MEX3C: variants seen among roughly 807,000 people sequenced by gnomAD.
The protein encoded by MEX3C is RNA-binding E3 ubiquitin-protein ligase MEX3C.
In MEX3C, 15 loss-of-function variants were observed where a neutral mutation model predicts 35.5. The ratio of observed to expected loss-of-function variants is 0.42; its 90% CI spans 0.28 to 0.65. MEX3C has a LOEUF of 0.65. Among genes scored for constraint, MEX3C ranks in the 30% least tolerant of loss-of-function variants. MEX3C has a pLI of 0.20. For missense variants in MEX3C, 711 were observed against 842.8 expected, an observed-to-expected ratio of 0.84 and a Z score of 1.94; for synonymous variants, 390 against 352.8, an observed-to-expected ratio of 1.11 and a Z score of -1.18.
intron 1 of MEX3C, among the ~76,000 whole-genome samples, chr18:51,192,263 A>G (rs1369961767): frequency 6.6e-6 from 1 of 152,148 alleles, no homozygotes; most frequent in Non-Finnish European, 1.5e-5. Context: ...AGAATAGTTC[A>G]TTAGCTGAAT....
At position 51,196,521 on chromosome 18, in the gene MEX3C, A is replaced by G. The variant is rs1367906698; in HGVS notation, c.754+46T>C. On this transcript the variant is annotated intron_variant, in intron 1 of 1. Transcript: ENST00000406189. ...GCTCCTTTCTCTCGTCTCCCCACCC[A>G]CGCCCGGGGCCATGCCCAGCTGGAC... is the stretch of plus-strand genomic sequence containing the variant. The G allele has an allele frequency of 2.0e-6, 3 of 1,522,964 alleles. No homozygotes were observed. In the African/African-American group the frequency reaches 4.2e-5, roughly 22 times the overall value. The allele number at this position is 1,522,964 out of a possible 1,614,324, so 94.3% of individuals were successfully genotyped here. A position where few individuals can be genotyped will look rare whatever the true frequency, so the allele number is the denominator to read the frequency against.
At position 51,196,972 on chromosome 18, in the gene MEX3C, C is replaced by T. The variant is rs1350905820; in HGVS notation, c.349G>A (p.Glu117Lys). The T allele has an allele frequency of 6.5e-7, 1 of 1,540,236 alleles. No homozygotes were observed. The highest frequency in any genetic ancestry group is 8.7e-7 in the Non-Finnish European group (1 of 1,144,824). The change falls in exon 1 of 2, where the codon GAA (glutamate) becomes AAA (lysine). Residue 117 changes from glutamate (E) to lysine (K), a missense_variant. This residue lies in a region of MEX3C where 354 missense variants were observed against 311.6 expected (regional missense o/e 1.14). Transcript: ENST00000406189. The stretch of plus-strand genomic sequence containing the variant: ...AGCAGGTCTCCGTCCAGCTCCGCTT[C>T]CTCCCCCTCCTCCTCGTCCTCTTCC... Reference protein sequence around the residue: ...ELEEDEEEGEEAELDGDLLEE... With the variant: ...ELEEDEEEGEKAELDGDLLEE...
rs1431074989 is a variant in MEX3C, at chr18:51,177,957, A to C, written c.755-381T>G. 6.6e-6 allele frequency among the ~76,000 whole-genome samples: 1 copy of C among 152,224 alleles called. No individual in the cohort carries two copies. The highest frequency in any genetic ancestry group is 1.5e-5 in the Non-Finnish European group (1 of 68,040). On this transcript the variant is annotated intron_variant, in intron 1 of 1. Transcript: ENST00000406189. The surrounding 1 kb of genome is among the most constrained non-coding windows in gnomAD (Gnocchi z 4.2). ...CCAGTTAAATTCTAGGCCTGCTATG[A>C]TTCAGTTTTGTTTATTCCCATGTTG...
intron 1 of MEX3C, among the ~76,000 whole-genome samples, chr18:51,189,641 C>G (rs900230193): frequency 4.6e-5 from 7 of 152,026 alleles, no homozygotes; most frequent in Admixed American, 3.3e-4. Context: ...AAAGAAAAAA[C>G]CAGAAGAGGG....
At chr18:51,184,442 A>C (rs1912492408) in intron 1 of MEX3C, among the ~76,000 whole-genome samples, 1 of 152,232 alleles carries the variant, frequency 6.6e-6, no homozygotes, top group Non-Finnish European at 1.5e-5. Flanking sequence ...AGAGATTCTC[A>C]GAGCCCTTAA....
rs146192257 is a variant in MEX3C at position 51,175,554 on chromosome 18, C to G, written c.*797G>C. 2.0e-5 allele frequency: 3 copies of G among 152,574 alleles called. No homozygotes were observed. Among genetic ancestry groups the G allele is most frequent in the Non-Finnish European group, 4.4e-5 (3 of 68,028 alleles). 9.5% of individuals were successfully genotyped at this position (152,574 alleles called of 1,614,324 possible). Reference sequence around the variant, plus strand: ...AGTCTAAAAATTAACAGCTCGATCACACTAATGAATGGAATGTTTGCATCC... The same window carrying G: ...AGTCTAAAAATTAACAGCTCGATCAGACTAATGAATGGAATGTTTGCATCC... On this transcript the variant is annotated 3_prime_UTR_variant, in exon 2 of 2. Transcript: ENST00000406189.
chr18:51,188,069 A>AT (rs1207978531), intron 1 of MEX3C, among the ~76,000 whole-genome samples: 1 of 152,234 alleles, frequency 6.6e-6, no homozygotes, highest in Non-Finnish European at 1.5e-5. Context: ...AATGCATAAT[A>AT]TAAAACTAAT....
At chr18:51,194,836 A>G (rs1568235647) in intron 1 of MEX3C, 1 of 152,002 alleles carries the variant, frequency 6.6e-6, no homozygotes, top group Non-Finnish European at 1.5e-5. Flanking sequence ...TCAAAACAAC[A>G]CTACTTGGCA....
At chr18:51,180,863 C>T (rs187944519) in intron 1 of MEX3C, among the ~76,000 whole-genome samples, 11 of 152,256 alleles carry the variant, frequency 7.2e-5, no homozygotes, top group Admixed American at 3.9e-4. Context: ...TTATAGTATC[C>T]TAAACTCAGA....
rs534807275 is a variant in MEX3C, at chr18:51,196,401, G to C, written c.754+166C>G. 6.4e-5 allele frequency: 88 copies of C among 1,384,760 alleles called. 1 individual carries two copies. In the East Asian group the frequency reaches 2.4e-3, roughly 38 times the overall value. The allele number at this position is 1,384,760 out of a possible 1,614,324, so 85.8% of individuals were successfully genotyped here. A position where few individuals can be genotyped will look rare whatever the true frequency, so the allele number is the denominator to read the frequency against. The stretch of plus-strand genomic sequence containing the variant: ...GCGGAAAAGCGTGGGTTTTCGCAAG[G>C]TGACCCATCTTCACATCTGGTCGAC... On this transcript the variant is annotated intron_variant, in intron 1 of 1. Transcript: ENST00000406189.
rs113793052 is a variant in MEX3C at position 51,188,902 on chromosome 18, C to T, written c.754+7665G>A. Among the ~76,000 whole-genome samples the T allele has an allele frequency of 6.6e-5, 10 of 152,242 alleles. No homozygotes were observed. In the East Asian group the frequency reaches 1.9e-3, roughly 29 times the overall value. On this transcript the variant is annotated intron_variant, in intron 1 of 1. Coordinates refer to ENST00000406189, the MANE Select transcript of MEX3C (RefSeq NM_016626.5). ...TAGTGACCTATTTTCTTTTCTTATA[C>T]TGTTGGTTGGTGACAGTAGTCAGAT...
rs2144546527 is a variant in MEX3C at position 51,177,108 on chromosome 18, T to C, written c.1223A>G (p.His408Arg). ...AAAGCTTACATCGGTACCATTGTAA[T>C]GGAAATCATTCTCTTCATTGAGCTC... ...YIELNEENDF[H>R]YNGTDVSFEG... Residue 408 changes from histidine (H) to arginine (R), a missense_variant, in exon 2 of 2, where the codon CAT becomes CGT. Coordinates refer to ENST00000406189, the MANE Select transcript of MEX3C (RefSeq NM_016626.5). This position sits in a 1 kb window ranked among gnomAD's most constrained non-coding sequence, Gnocchi z 4.2. 2 of 1,613,980 alleles carry C rather than the reference T, an allele frequency of 1.2e-6. No homozygotes were observed. The highest frequency in any genetic ancestry group is 1.7e-6 in the Non-Finnish European group (2 of 1,179,896).
At chr18:51,186,159 C>T (rs1599254310) in intron 1 of MEX3C, among the ~76,000 whole-genome samples, 1 of 152,226 alleles carries the variant, frequency 6.6e-6, no homozygotes, top group East Asian at 1.9e-4. Context: ...ATGTTAAATT[C>T]CCTATAAAGA....
Position 51,192,183 on chromosome 18 carries a change from T to C in MEX3C, c.754+4384A>G, listed in dbSNP as rs76775893. On this transcript the variant is annotated intron_variant, in intron 1 of 1. Coordinates refer to ENST00000406189, the MANE Select transcript of MEX3C (RefSeq NM_016626.5). ...GGTTCCCTGGATCATTTTCAGGTTG[T>C]TGGTAACCAAGGGGTACAAAATACA... Among the ~76,000 whole-genome samples the C allele has an allele frequency of 5.3e-3, 806 of 152,244 alleles. 10 individuals carry two copies. The highest frequency in any genetic ancestry group is 0.018 in the African/African-American group (765 of 41,562).
Position 51,177,077 on chromosome 18 carries a change from ACCTTCAAAG to A in MEX3C, c.1245_1253del (p.Phe416_Gly418del). 6.2e-7 allele frequency: 1 copy of A among 1,614,016 alleles called. No individual in the cohort carries two copies. ...AGAGCCACGCAGAGCCAAGAGTGCCACCTTCAAAGCTTACATCGGTACCATTGTAATGGA... is the reference window on the plus strand; with the variant it reads ...AGAGCCACGCAGAGCCAAGAGTGCCACTTACATCGGTACCATTGTAATGGA... On this transcript the variant is annotated inframe_deletion, in exon 2 of 2. Coordinates refer to ENST00000406189, the MANE Select transcript of MEX3C (RefSeq NM_016626.5). The surrounding 1 kb of genome is among the most constrained non-coding windows in gnomAD (Gnocchi z 4.2).
Position 51,180,423 on chromosome 18 carries a change from T to C in MEX3C, c.755-2847A>G, listed in dbSNP as rs112710445. On this transcript the variant is annotated intron_variant, in intron 1 of 1. Coordinates refer to ENST00000406189, the MANE Select transcript of MEX3C (RefSeq NM_016626.5). Reference sequence around the variant, plus strand: ...ACACCCAAAAGGGTCATGTGTTTATTAGGTTTTGCAGATCAGGGAAAAAAG... The same window carrying C: ...ACACCCAAAAGGGTCATGTGTTTATCAGGTTTTGCAGATCAGGGAAAAAAG... Among the ~76,000 whole-genome samples the C allele has an allele frequency of 1.7e-3, 255 of 152,220 alleles. 1 individual carries two copies. The highest frequency in any genetic ancestry group is 5.8e-3 in the African/African-American group (241 of 41,554).
rs776333741 is a variant in MEX3C at position 51,177,385 on chromosome 18, C to T, written c.946G>A (p.Gly316Arg). ...SRNKNGPALG[G>R]LSCSPNLPGQ... ...GGCAGATTAGGACTACATGATAATC[C>T]TCCCAGGGCAGGCCCATTTTTGTTT... Residue 316 changes from glycine (G) to arginine (R), a missense_variant, in exon 2 of 2, where the codon GGA (glycine) becomes AGA (arginine). Gly to Arg is a moderately radical substitution (Grantham distance 125). Around this residue, in one of 4 missense-constraint regions of MEX3C, gnomAD observed 83 missense variants for 179.1 expected, o/e 0.46. Coordinates refer to ENST00000406189, the MANE Select transcript of MEX3C (RefSeq NM_016626.5). This position sits in a 1 kb window ranked among gnomAD's most constrained non-coding sequence, Gnocchi z 4.2. 6 of 1,613,942 alleles carry T rather than the reference C, an allele frequency of 3.7e-6. No individual in the cohort carries two copies. The South Asian group carries it at 5.5e-5, about 15-fold the overall frequency.
At position 51,177,642 on chromosome 18, in the gene MEX3C, A is replaced by G; in HGVS notation, c.755-66T>C. ...TCAATGATATATATAAAGACAAATC[A>G]CAGAATGCACCTTTTAAGCTAAATA... On this transcript the variant is annotated intron_variant, in intron 1 of 1. Transcript: ENST00000406189. The surrounding 1 kb of genome is among the most constrained non-coding windows in gnomAD (Gnocchi z 4.2). 2 of 1,477,170 alleles carry G rather than the reference A, an allele frequency of 1.4e-6. No homozygotes were observed. Among genetic ancestry groups the G allele is most frequent in the Non-Finnish European group, 1.8e-6 (2 of 1,105,328 alleles). 91.5% of individuals were successfully genotyped at this position (1,477,170 alleles called of 1,614,324 possible). A position where few individuals can be genotyped will look rare whatever the true frequency, so the allele number is the denominator to read the frequency against.
intron 1 of MEX3C, among the ~76,000 whole-genome samples, chr18:51,181,506 A>G (rs1302251384): frequency 7.0e-5 from 1 of 14,274 alleles, no homozygotes; most frequent in Non-Finnish European, 4.1e-3. Flanking sequence ...CCTTACAACA[A>G]TGCTAGTAAA....
Sources: gnomAD v4.1 joint callset for allele counts (sites outside exome capture counted in the v4.1 genomes callset) on GRCh38, gnomAD v4.1.1 for gene constraint, gnomAD v4.1.1 regional missense constraint, Gnocchi (gnomAD v3.1) non-coding constraint, MANE v1.5 for transcripts, NCBI Gene and HGNC (gene_info 2026-07-23, HGNC 2026-07-21) for gene names.